Variants in NLN observed in about 807,000 individuals in gnomAD.
The protein encoded by NLN is neurolysin.
In NLN, 64 loss-of-function variants were observed where a neutral mutation model predicts 79.9. The ratio of observed to expected loss-of-function variants is 0.80; its 90% confidence interval spans 0.65 to 0.99. NLN has a LOEUF of 0.99. NLN is among the 50% of genes least tolerant of loss of function. NLN has a pLI of 0.00. For missense variants in NLN, 835 were observed against 858.7 expected, an observed-to-expected ratio of 0.97 and a Z score of 0.34; for synonymous variants, 267 against 296.6, an observed-to-expected ratio of 0.90 and a Z score of 1.02.
At chr5:65,792,828 T>C (rs780081752) in intron 9 of NLN, 173 bp downstream of exon 9, 20 of 675,298 alleles carry the variant, frequency 3.0e-5, no homozygotes, top group South Asian at 2.1e-4. Context: ...TTTCACAACA[T>C]ATTTTTACTT....
At chr5:65,808,279 A>C (rs1450794422) in intron 9 of NLN, among the ~76,000 whole-genome samples, 2 of 152,146 alleles carry the variant, frequency 1.3e-5, no homozygotes, top group East Asian at 3.8e-4. Context: ...CTGGGCCAAA[A>C]AGCAGAGTGG....
intron 8 of NLN, among the ~76,000 whole-genome samples, chr5:65,791,960 A>T (rs562772915): frequency 8.5e-5 from 13 of 152,320 alleles, no homozygotes; most frequent in Admixed American, 2.6e-4. Flanking sequence ...TCTAGTTTAT[A>T]AAAGAAGCTT....
At chr5:65,756,414 C>T (rs964374080) in intron 1 of NLN, among the ~76,000 whole-genome samples, 1 of 152,122 alleles carries the variant, frequency 6.6e-6, no homozygotes, top group Admixed American at 6.6e-5. Flanking sequence ...AGTCAAACTC[C>T]TGAATATATT....
chr5:65,723,294 G>C (rs772395400), intron 1 of NLN, among the ~76,000 whole-genome samples: 1 of 152,168 alleles, frequency 6.6e-6, no homozygotes, highest in Non-Finnish European at 1.5e-5. Context: ...ATTGCCACTC[G>C]TCTGTGTGGA....
intron 1 of NLN, among the ~76,000 whole-genome samples, chr5:65,747,455 GT>G (rs902062837): frequency 6.6e-6 from 1 of 152,202 alleles, no homozygotes; most frequent in Non-Finnish European, 1.5e-5. Flanking sequence ...CTGAGCAGAG[GT>G]TTTTAAGATT....
intron 3 of NLN, among the ~76,000 whole-genome samples, chr5:65,770,731 A>T (rs1037354585): frequency 6.6e-6 from 1 of 152,262 alleles, no homozygotes; most frequent in Non-Finnish European, 1.5e-5. Flanking sequence ...AAGTGTTCAT[A>T]GCAACTCAGA....
chr5:65,757,479 G>A (rs1365330607), intron 1 of NLN, among the ~76,000 whole-genome samples: 1 of 152,194 alleles, frequency 6.6e-6, no homozygotes, highest in Middle Eastern at 3.2e-3. Context: ...TTAGAGGGTT[G>A]TTGGAGGACT....
At position 65,734,386 on chromosome 5, in the gene NLN, C is replaced by T. The variant is rs1561178216; in HGVS notation, c.41+11972C>T. Among the ~76,000 whole-genome samples, 2 of 138,130 alleles carry T rather than the reference C, an allele frequency of 1.4e-5. 1 individual carries two copies. Among genetic ancestry groups the T allele is most frequent in the Non-Finnish European group, 3.2e-5 (2 of 62,830 alleles). The allele number at this position is 138,130 out of a possible 152,430, so 90.6% of individuals were successfully genotyped here. A position where few individuals can be genotyped will look rare whatever the true frequency, so the allele number is the denominator to read the frequency against. On this transcript the variant is annotated intron_variant, in intron 1 of 12. Coordinates refer to ENST00000380985, the MANE Select transcript of NLN (RefSeq NM_020726.5). ...AAAACAAAGGTGACTCAGCTGGGGGCAGAACTGGGTGAAAATGCTGACTTG... is the reference window on the plus strand; with the variant it reads ...AAAACAAAGGTGACTCAGCTGGGGGTAGAACTGGGTGAAAATGCTGACTTG...
chr5:65,748,180 A>C (rs566958530), intron 1 of NLN, among the ~76,000 whole-genome samples: 33 of 152,284 alleles, frequency 2.2e-4, no homozygotes, highest in Middle Eastern at 3.4e-3. Flanking sequence ...CAGCCTGGGC[A>C]ACAGAGCAAG....
chr5:65,728,458 A>T (rs1398397144), intron 1 of NLN, among the ~76,000 whole-genome samples: 1 of 152,150 alleles, frequency 6.6e-6, no homozygotes, highest in Non-Finnish European at 1.5e-5. Context: ...TTTTCTTAGT[A>T]TAAATTCTTA....
chr5:65,733,341 C>T lies in NLN; in HGVS notation c.41+10927C>T, dbSNP rs1029188174. On this transcript the variant is annotated intron_variant, in intron 1 of 12. Transcript: ENST00000380985. ...GGACTCCCAACTCAGGCTCCTCCTG[C>T]CTGCCCTGAGCCACTGCTCCCAGCT... The T allele has an allele frequency of 2.0e-6, 3 of 1,512,720 alleles. 1 individual carries two copies. Among genetic ancestry groups the T allele is most frequent in the Non-Finnish European group, 2.7e-6 (3 of 1,102,684 alleles). The allele number at this position is 1,512,720 out of a possible 1,614,324, so 93.7% of individuals were successfully genotyped here. A position where few individuals can be genotyped will look rare whatever the true frequency, so the allele number is the denominator to read the frequency against.
At position 65,727,120 on chromosome 5, in the gene NLN, T is replaced by TA. The variant is rs1396443062; in HGVS notation, c.41+4713dup. 2.6e-5 allele frequency among the ~76,000 whole-genome samples: 4 copies of TA among 152,148 alleles called. No homozygotes were observed. The South Asian group carries it at 6.2e-4, about 24-fold the overall frequency. ...TGCTGTTCAATTCACTTTGTGACCT[T>TA]AAAAAAATCACTCACTCCCTTGGAC... On this transcript the variant is annotated intron_variant, in intron 1 of 12. Transcript: ENST00000380985.
At position 65,800,000 on chromosome 5, in the gene NLN, A is replaced by G. The variant is rs1024506079; in HGVS notation, c.1527+7345A>G. On this transcript the variant is annotated intron_variant, in intron 9 of 12. Coordinates refer to ENST00000380985, the MANE Select transcript of NLN (RefSeq NM_020726.5). ...ATAGATTAGACAGGCCAGGATGTGG[A>G]ATGACTGCTAAGAAATCAGTACTGG... Among the ~76,000 whole-genome samples the G allele has an allele frequency of 4.3e-4, 66 of 152,324 alleles. 1 individual carries two copies. The highest frequency in any genetic ancestry group is 1.3e-4 in the Non-Finnish European group (9 of 68,030).
intron 1 of NLN, chr5:65,722,754 G>C: frequency 3.3e-6 from 1 of 299,240 alleles, no homozygotes; most frequent in Non-Finnish European, 6.3e-6. Flanking sequence ...CAGAACTACA[G>C]ACCTGTCATT....
At position 65,794,804 on chromosome 5, in the gene NLN, C is replaced by T. The variant is rs550266546; in HGVS notation, c.1527+2149C>T. Among the ~76,000 whole-genome samples the T allele has an allele frequency of 1.1e-4, 17 of 152,092 alleles. No homozygotes were observed. The South Asian group carries it at 3.5e-3, about 32-fold the overall frequency. On this transcript the variant is annotated intron_variant, in intron 9 of 12. Transcript: ENST00000380985. Reference sequence around the variant, plus strand: ...CAGCATCCCTATATCCCAGAGTAGCCCTAATCATTGTAATAACCCAAAATG... The same window carrying T: ...CAGCATCCCTATATCCCAGAGTAGCTCTAATCATTGTAATAACCCAAAATG...
At position 65,785,847 on chromosome 5, in the gene NLN, C is replaced by G. The variant is rs1299473912; in HGVS notation, c.895C>G (p.His299Asp). ...GGCCAAACTACTCGGTTATAGCACA[C>G]ATGCTGACTTCGTCCTTGAAATGAA... ...KVAKLLGYST[H>D]ADFVLEMNTA... The change falls in exon 7 of 13, where the codon CAT becomes GAT. Residue 299 changes from histidine (H) to aspartate (D), a missense_variant. Transcript: ENST00000380985. 6.2e-7 allele frequency: 1 copy of G among 1,613,842 alleles called. No homozygotes were observed. Among genetic ancestry groups the G allele is most frequent in the South Asian group, 1.1e-5 (1 of 91,080 alleles).
chr5:65,784,777 A>G (rs1330950727), intron 6 of NLN, among the ~76,000 whole-genome samples: 1 of 152,138 alleles, frequency 6.6e-6, no homozygotes, highest in Non-Finnish European at 1.5e-5. Flanking sequence ...CCACCTGCAG[A>G]GTTTTTTCAT....
intron 8 of NLN, among the ~76,000 whole-genome samples, chr5:65,791,292 T>C (rs1238533978): frequency 1.3e-5 from 2 of 151,954 alleles, no homozygotes; most frequent in Non-Finnish European, 2.9e-5. Context: ...GCACAGTGAC[T>C]CACACCTATA....
chr5:65,815,413 C>T (rs1039198524), intron 12 of NLN, among the ~76,000 whole-genome samples: 2 of 152,184 alleles, frequency 1.3e-5, no homozygotes, highest in African/African-American at 4.8e-5. Flanking sequence ...CTGGGTTGAA[C>T]TTAGAGAAAG....
Sources: allele counts gnomAD v4.1 joint callset (sites outside exome capture counted in the v4.1 genomes callset), GRCh38; gene constraint gnomAD v4.1.1; transcripts MANE v1.5; gene names NCBI Gene and HGNC (gene_info 2026-07-23, HGNC 2026-07-21).